Variants in CCDC146 observed in about 807,000 individuals in gnomAD.
CCDC146 encodes coiled-coil domain-containing protein 146.
A neutral mutation model predicts 119.3 loss-of-function variants in CCDC146; 92 were observed. That is an observed-to-expected ratio of 0.77 (90% CI 0.65 to 0.92). The LOEUF (loss-of-function observed/expected upper bound fraction) is 0.92, where lower values mean the gene tolerates loss of function less well. Among genes scored for constraint, CCDC146 ranks in the 40% least tolerant of loss-of-function variants. The probability of loss-of-function intolerance (pLI) is 0.00; values close to 1 mark genes in which losing one functional copy is unlikely to be tolerated. For synonymous variants in CCDC146, 372 were observed against 371.8 expected (o/e 1.00, Z -0.01); for missense variants, 1,000 against 1,103.0 (o/e 0.91, Z 1.32).
At chr7:77,232,646 G>A (rs1401802815) in intron 2 of CCDC146, among the ~76,000 whole-genome samples, 1 of 152,220 alleles carries the variant, frequency 6.6e-6, no homozygotes, top group Admixed American at 6.5e-5. Context: ...GTGTTACTGA[G>A]CAGGAGCTGG....
intron 2 of CCDC146, among the ~76,000 whole-genome samples, chr7:77,230,621 G>A (rs1792609345): frequency 6.6e-6 from 1 of 152,052 alleles, no homozygotes; most frequent in East Asian, 1.9e-4. Context: ...ATAATAAGCT[G>A]GGGTTTTTTG....
At chr7:77,126,584 A>G (rs1456792124) in intron 1 of CCDC146, among the ~76,000 whole-genome samples, 5 of 151,846 alleles carry the variant, frequency 3.3e-5, no homozygotes, top group African/African-American at 9.7e-5. Flanking sequence ...GGTTGTCCCA[A>G]TGTCTGCAGC....
Position 77,132,568 on chromosome 7 carries a change from A to AAAAG in CCDC146, c.-12+9848_-12+9851dup, listed in dbSNP as rs1562810860. Among the ~76,000 whole-genome samples the AAAAG allele has an allele frequency of 2.8e-3, 399 of 142,672 alleles. 8 individuals are homozygous for AAAAG. The highest frequency in any genetic ancestry group is 4.6e-3 in the Non-Finnish European group (301 of 65,072). 93.6% of individuals were successfully genotyped at this position (142,672 alleles called of 152,430 possible). A position where few individuals can be genotyped will look rare whatever the true frequency, so the allele number is the denominator to read the frequency against. ...TCGATCTCTACAAAAAAAAAAAAAA[A>AAAAG]AAAGAAAGAAAGAAAAAAATCAGCC... On this transcript the variant is annotated intron_variant, in intron 1 of 18. Transcript: ENST00000285871.
At chr7:77,216,821 C>T (rs1792309974) in intron 2 of CCDC146, among the ~76,000 whole-genome samples, 1 of 152,088 alleles carries the variant, frequency 6.6e-6, no homozygotes. Flanking sequence ...AAGTACAGTG[C>T]CAAAGGGATC....
intron 2 of CCDC146, among the ~76,000 whole-genome samples, chr7:77,234,141 C>T (rs1003123702): frequency 2.0e-5 from 3 of 152,114 alleles, no homozygotes; most frequent in African/African-American, 7.2e-5. Flanking sequence ...GGGCTAGCCC[C>T]TAGTTGGTCT....
intron 3 of CCDC146, 52 bp downstream of exon 3, chr7:77,237,081 C>T: frequency 1.4e-6 from 2 of 1,413,146 alleles, no homozygotes; most frequent in Non-Finnish European, 2.0e-6. Flanking sequence ...AAATTTCTTA[C>T]TGGTGATGAG....
chr7:77,167,658 A>T lies in CCDC146; in HGVS notation c.-11A>T. On this transcript the variant is annotated splice_region_variant and 5_prime_UTR_variant, in exon 2 of 19. Coordinates refer to ENST00000285871, the MANE Select transcript of CCDC146 (RefSeq NM_020879.3). ...CACATATGTATTAATTTTATTTTAG[A>T]ATCGTGAAAAATGGAAGACAGTAGC... 1 of 1,554,028 alleles carries T rather than the reference A, an allele frequency of 6.4e-7. No individual in the cohort carries two copies. The highest frequency in any genetic ancestry group is 8.7e-7 in the Non-Finnish European group (1 of 1,153,560).
At chr7:77,268,294 T>C (rs1793445952) in intron 9 of CCDC146, among the ~76,000 whole-genome samples, 1 of 152,228 alleles carries the variant, frequency 6.6e-6, no homozygotes, top group South Asian at 2.1e-4. Flanking sequence ...GGAGTGGCCT[T>C]GTTTTTGTCC....
chr7:77,155,689 T>C (rs1444430974), intron 1 of CCDC146, among the ~76,000 whole-genome samples: 1 of 152,192 alleles, frequency 6.6e-6, no homozygotes, highest in African/African-American at 2.4e-5. Context: ...AGTGAAGTTA[T>C]ACAAGGGAAA....
At chr7:77,213,586 A>C (rs1220680969) in intron 2 of CCDC146, among the ~76,000 whole-genome samples, 2 of 152,158 alleles carry the variant, frequency 1.3e-5, no homozygotes, top group African/African-American at 4.8e-5. Context: ...TAAATAGTGA[A>C]TATAGTACCC....
At chr7:77,249,519 G>GTC (rs1793018406) in intron 4 of CCDC146, among the ~76,000 whole-genome samples, 9 of 150,058 alleles carry the variant, frequency 6.0e-5, no homozygotes, top group African/African-American at 2.2e-4. Context: ...AATTCATTAG[G>GTC]TCTTCTCAGA....
rs764744247 is a variant in CCDC146, at chr7:77,196,930, G to C, written c.156+29106G>C. 2 of 1,613,404 alleles carry C rather than the reference G, an allele frequency of 1.2e-6. No individual in the cohort carries two copies. Among genetic ancestry groups the C allele is most frequent in the African/African-American group, 1.3e-5 (1 of 75,020 alleles). ...CAGGTGTAACTCTGTAGGTCTCACT[G>C]CTTCTTTTGCCTATTGCGTAGTAGT... On this transcript the variant is annotated intron_variant, in intron 2 of 18. Transcript: ENST00000285871. This position sits in a 1 kb window ranked among gnomAD's most constrained non-coding sequence, Gnocchi z 4.2.
intron 2 of CCDC146, among the ~76,000 whole-genome samples, chr7:77,211,397 T>C (rs1401786747): frequency 6.6e-6 from 1 of 152,200 alleles, no homozygotes; most frequent in Non-Finnish European, 1.5e-5. Flanking sequence ...TTATTGCATG[T>C]ATTTTTCTAT....
At chr7:77,207,303 G>A (rs1161533119) in intron 2 of CCDC146, among the ~76,000 whole-genome samples, 1 of 152,018 alleles carries the variant, frequency 6.6e-6, no homozygotes, top group African/African-American at 2.4e-5. Flanking sequence ...TCTGTTATTT[G>A]CAGTGAAAAC....
chr7:77,171,824 A>G (rs1264945207), intron 2 of CCDC146, among the ~76,000 whole-genome samples: 1 of 152,254 alleles, frequency 6.6e-6, no homozygotes, highest in African/African-American at 2.4e-5. Context: ...AGTAAAGATT[A>G]TCTTCAAGGT....
intron 1 of CCDC146, among the ~76,000 whole-genome samples, chr7:77,133,859 A>T (rs560561959): frequency 6.6e-6 from 1 of 150,386 alleles, no homozygotes; most frequent in Non-Finnish European, 1.5e-5. Context: ...ACACACTCAC[A>T]CACACATATA....
intron 4 of CCDC146, among the ~76,000 whole-genome samples, chr7:77,243,212 C>T (rs1792882542): frequency 6.6e-6 from 1 of 151,840 alleles, no homozygotes; most frequent in Admixed American, 6.6e-5. Context: ...GAGAAAAAAA[C>T]AAAAACAAAA....
At chr7:77,293,265 A>C in intron 18 of CCDC146, 65 bp downstream of exon 18, 1 of 1,564,436 alleles carries the variant, frequency 6.4e-7, no homozygotes, top group East Asian at 2.2e-5. Context: ...CAGGCAACCC[A>C]CAGTTATCCC....
chr7:77,205,651 C>T (rs1345325166), intron 2 of CCDC146, among the ~76,000 whole-genome samples: 1 of 152,142 alleles, frequency 6.6e-6, no homozygotes, highest in Non-Finnish European at 1.5e-5. Context: ...CCCAGCTACT[C>T]GGCAGGCTGA....
Sources: allele counts gnomAD v4.1 joint callset (sites outside exome capture counted in the v4.1 genomes callset), GRCh38; gene constraint gnomAD v4.1.1; non-coding constraint Gnocchi (gnomAD v3.1); transcripts MANE v1.5; gene names NCBI Gene and HGNC (gene_info 2026-07-23, HGNC 2026-07-21).